The following RYR3 variants were observed in gnomAD, a reference collection of about 807,000 sequenced individuals.
RYR3 encodes brain ryanodine receptor-calcium release channel.
In RYR3, 207 loss-of-function variants were observed where a neutral mutation model predicts 584.3. The ratio of observed to expected loss-of-function variants is 0.35; its 90% CI spans 0.32 to 0.40. The LOEUF (loss-of-function observed/expected upper bound fraction) is 0.40, where lower values mean the gene tolerates loss of function less well. Among genes scored for constraint, RYR3 ranks in the 10% least tolerant of loss-of-function variants. RYR3 has a pLI of 1.00. For missense variants in RYR3, 5,616 were observed against 6,089.2 expected (o/e 0.92, Z 2.59); for synonymous variants, 2,416 against 2,248.5 (o/e 1.07, Z -2.11).
At chr15:33,441,611 C>G (rs1030346863) in intron 1 of RYR3, among the ~76,000 whole-genome samples, 1 of 152,174 alleles carries the variant, frequency 6.6e-6, no homozygotes, top group Non-Finnish European at 1.5e-5. Flanking sequence ...CTTAAACACA[C>G]TCTTTCAGGT....
At chr15:33,583,692 A>G (rs1340687572) in intron 14 of RYR3, among the ~76,000 whole-genome samples, 1 of 151,822 alleles carries the variant, frequency 6.6e-6, no homozygotes, top group African/African-American at 2.4e-5. Context: ...GGCTGAGGTG[A>G]GGAGGATCAA....
At chr15:33,592,240 A>T (rs2059165025) in intron 16 of RYR3, among the ~76,000 whole-genome samples, 1 of 152,180 alleles carries the variant, frequency 6.6e-6, no homozygotes, top group South Asian at 2.1e-4. Context: ...GAGTGTGGTT[A>T]TTGGCTTCAC....
At chr15:33,443,197 T>C (rs779167187) in intron 1 of RYR3, among the ~76,000 whole-genome samples, 1 of 151,516 alleles carries the variant, frequency 6.6e-6, no homozygotes, top group Non-Finnish European at 1.5e-5. Flanking sequence ...AGGAGGAGGT[T>C]GCAGTGAGCT....
intron 3 of RYR3, among the ~76,000 whole-genome samples, chr15:33,523,434 G>A (rs2054158151): frequency 6.6e-6 from 1 of 152,138 alleles, no homozygotes; most frequent in South Asian, 2.1e-4. Context: ...CCACCGGAAG[G>A]AGCAAACTCT....
At chr15:33,321,427 A>G (rs1595707157) in intron 1 of RYR3, among the ~76,000 whole-genome samples, 1 of 152,246 alleles carries the variant, frequency 6.6e-6, no homozygotes, top group Middle Eastern at 3.4e-3. Flanking sequence ...CCTTATTCCC[A>G]TCCTTTTTCC....
At chr15:33,763,513 A>G (rs540932932) in intron 60 of RYR3, among the ~76,000 whole-genome samples, 19 of 152,214 alleles carry the variant, frequency 1.2e-4, no homozygotes, top group Non-Finnish European at 2.4e-4. Context: ...ACATATGAAA[A>G]AAGCTCATCA....
rs77760218 is a variant in RYR3, at chr15:33,678,286, G to A, written c.5860+7730G>A. ...CTGGTGGGAGATGACTGAATCATGG[G>A]GGGGAGACTTCCCCCATGCTGTTCT... On this transcript the variant is annotated intron_variant, in intron 38 of 103. Transcript: ENST00000634891. Among the ~76,000 whole-genome samples, 938 of 152,250 alleles carry A rather than the reference G, an allele frequency of 6.2e-3. 9 individuals carry two copies. Among genetic ancestry groups the A allele is most frequent in the African/African-American group, 0.021 (886 of 41,548 alleles).
At chr15:33,533,936 G>A (rs947196276) in intron 5 of RYR3, among the ~76,000 whole-genome samples, 1 of 151,972 alleles carries the variant, frequency 6.6e-6, no homozygotes, top group Non-Finnish European at 1.5e-5. Flanking sequence ...AAATTTTACA[G>A]ACAAAACTTA....
At chr15:33,692,004 C>T (rs1392091489) in intron 38 of RYR3, among the ~76,000 whole-genome samples, 2 of 152,146 alleles carry the variant, frequency 1.3e-5, no homozygotes, top group Non-Finnish European at 1.5e-5. Context: ...GGGTCTTGGG[C>T]CCCCAGGGCT....
chr15:33,619,469 T>TA (rs753144005), intron 19 of RYR3, among the ~76,000 whole-genome samples: 38 of 152,210 alleles, frequency 2.5e-4, no homozygotes, highest in Non-Finnish European at 4.4e-4. Flanking sequence ...ATTTAAAAGA[T>TA]AAACATGAAG....
chr15:33,359,251 A>G (rs1242645276), intron 1 of RYR3, among the ~76,000 whole-genome samples: 1 of 152,248 alleles, frequency 6.6e-6, no homozygotes, highest in Non-Finnish European at 1.5e-5. Context: ...AAAAAATACA[A>G]CAATAACAAC....
At position 33,861,170 on chromosome 15, in the gene RYR3, C is replaced by G; in HGVS notation, c.14457C>G (p.Ala4819=). Reference sequence around the variant, plus strand: ...ATACATTACAAGAGCACAACTTAGCCAACTACTTGTGAGTATTCTTGGTTA... The same window carrying G: ...ATACATTACAAGAGCACAACTTAGCGAACTACTTGTGAGTATTCTTGGTTA... The part of the protein sequence containing the change: ...ETHTLQEHNL[A]NYLFFLMYLI... The change falls in exon 102 of 104, where the codon GCC becomes GCG. Residue 4819 remains alanine, a synonymous_variant. Transcript: ENST00000634891. 1 of 1,585,614 alleles carries G rather than the reference C, an allele frequency of 6.3e-7. No homozygotes were observed. The highest frequency in any genetic ancestry group is 1.3e-5 in the African/African-American group (1 of 74,640).
intron 90 of RYR3, 137 bp downstream of exon 90, chr15:33,841,020 C>T: frequency 1.4e-6 from 1 of 730,990 alleles, no homozygotes; most frequent in Non-Finnish European, 2.3e-6. Context: ...GACTTCGAGA[C>T]CATCCTGGGC....
rs144876813 is a variant in RYR3, at chr15:33,759,175, C to G, written c.8705+1579C>G. ...ATCAAAGATCGAAGGTAGATAAATC[C>G]ACGAAGATGGGGAAAACAGCACAAA... On this transcript the variant is annotated intron_variant, in intron 60 of 103. Coordinates refer to ENST00000634891, the MANE Select transcript of RYR3 (RefSeq NM_001036.6). Among the ~76,000 whole-genome samples, 10 of 152,274 alleles carry G rather than the reference C, an allele frequency of 6.6e-5. No homozygotes were observed. In the East Asian group the frequency reaches 1.5e-3, roughly 23 times the overall value.
chr15:33,842,141 C>T (rs1434999526), intron 91 of RYR3, 106 bp downstream of exon 91: 4 of 1,216,152 alleles, frequency 3.3e-6, no homozygotes, highest in Non-Finnish European at 4.6e-6. Context: ...TACACTTCCT[C>T]CCCTTTCTCA....
intron 1 of RYR3, among the ~76,000 whole-genome samples, chr15:33,425,889 GCCT>G (rs2044612386): frequency 6.6e-6 from 1 of 152,064 alleles, no homozygotes; most frequent in African/African-American, 2.4e-5. Context: ...TGATCCGCCC[GCCT>G]TGGCCTCCCA....
intron 1 of RYR3, among the ~76,000 whole-genome samples, chr15:33,339,248 C>T (rs918212548): frequency 6.6e-6 from 1 of 152,224 alleles, no homozygotes; most frequent in African/African-American, 2.4e-5. Flanking sequence ...GGTGGCAGGG[C>T]TGTGGCCCCA....
intron 46 of RYR3, among the ~76,000 whole-genome samples, chr15:33,727,615 G>C (rs2068575608): frequency 1.3e-5 from 2 of 152,166 alleles, no homozygotes; most frequent in African/African-American, 4.8e-5. Flanking sequence ...CAGCCATTCA[G>C]GGCAGGAGAG....
chr15:33,421,301 T>C (rs1356413444), intron 1 of RYR3, among the ~76,000 whole-genome samples: 4 of 152,322 alleles, frequency 2.6e-5, no homozygotes, highest in Non-Finnish European at 4.4e-5. Context: ...TAGAGCTGCT[T>C]TTGCAATGAG....
Sources: allele counts gnomAD v4.1 joint callset (sites outside exome capture counted in the v4.1 genomes callset), GRCh38; gene constraint gnomAD v4.1.1; transcripts MANE v1.5; gene names NCBI Gene and HGNC (gene_info 2026-07-23, HGNC 2026-07-21).